The following SCFD2 variants were observed in gnomAD, a reference collection of about 807,000 sequenced individuals.
SCFD2 encodes sec1 family domain-containing protein 2.
SCFD2 carries 54 observed loss-of-function variants against 58.9 expected under a neutral mutation model. The observed-to-expected ratio is 0.92, with a 90% confidence interval of 0.74 to 1.15. SCFD2 has a LOEUF of 1.15. SCFD2 is among the 50% of genes most tolerant of loss of function. The pLI is 0.00. For missense variants in SCFD2, 805 were observed against 836.6 expected (o/e 0.96, Z 0.47); for synonymous variants, 321 against 335.9 (o/e 0.96, Z 0.49).
intron 4 of SCFD2, among the ~76,000 whole-genome samples, chr4:53,202,107 A>G (rs1458950220): frequency 2.0e-5 from 3 of 152,028 alleles, no homozygotes; most frequent in Admixed American, 6.6e-5. Flanking sequence ...GCCCATGCCT[A>G]TGTCCTGAAT....
intron 4 of SCFD2, among the ~76,000 whole-genome samples, chr4:53,190,609 C>T: frequency 6.6e-6 from 1 of 152,308 alleles, no homozygotes; most frequent in East Asian, 1.9e-4. Context: ...ATATGATTCA[C>T]TTATTTATTT....
chr4:53,212,857 T>C (rs1728666031), intron 4 of SCFD2, among the ~76,000 whole-genome samples: 1 of 152,048 alleles, frequency 6.6e-6, no homozygotes, highest in East Asian at 1.9e-4. Context: ...TACACGGTTT[T>C]TTTTTTTAAC....
chr4:53,052,187 CCT>C (rs1007230411), intron 5 of SCFD2, among the ~76,000 whole-genome samples: 8 of 152,130 alleles, frequency 5.3e-5, no homozygotes, highest in African/African-American at 1.7e-4. Context: ...CTCAACTCTG[CCT>C]CTCTCTCCCC....
intron 4 of SCFD2, among the ~76,000 whole-genome samples, chr4:53,250,339 C>A (rs1321763656): frequency 2.6e-5 from 4 of 152,102 alleles, no homozygotes; most frequent in East Asian, 3.8e-4. Flanking sequence ...TAGACTCCCA[C>A]ACAATAATAA....
chr4:53,141,667 CAGTT>C (rs1286752531), intron 5 of SCFD2, among the ~76,000 whole-genome samples: 1 of 112,190 alleles, frequency 8.9e-6, no homozygotes, highest in Non-Finnish European at 1.8e-5. Flanking sequence ...AACATTAAAT[CAGTT>C]AGAACTCTTT....
intron 5 of SCFD2, among the ~76,000 whole-genome samples, chr4:53,060,037 T>A (rs1202621995): frequency 6.6e-6 from 1 of 152,148 alleles, no homozygotes; most frequent in Non-Finnish European, 1.5e-5. Context: ...AACTTTCTCA[T>A]GTGCTTACTA....
At chr4:53,314,846 T>C (rs1218005964) in intron 2 of SCFD2, among the ~76,000 whole-genome samples, 6 of 152,210 alleles carry the variant, frequency 3.9e-5, no homozygotes, top group South Asian at 2.1e-4. Flanking sequence ...TATCTTTCCA[T>C]AATGAACTAA....
chr4:53,184,078 G>A (rs188697991), intron 4 of SCFD2, among the ~76,000 whole-genome samples: 27 of 152,280 alleles, frequency 1.8e-4, no homozygotes, highest in Non-Finnish European at 3.5e-4. Context: ...ATTTAAAAAT[G>A]TAATTTATGT....
Position 53,011,252 on chromosome 4 carries a change from CT to C in SCFD2, c.1562-90383del, listed in dbSNP as rs371135672. Among the ~76,000 whole-genome samples, 201 of 152,058 alleles carry C rather than the reference CT, an allele frequency of 1.3e-3. 1 individual carries two copies. The highest frequency in any genetic ancestry group is 4.1e-3 in the African/African-American group (171 of 41,450). On this transcript the variant is annotated intron_variant, in intron 5 of 8. Coordinates refer to ENST00000401642, the MANE Select transcript of SCFD2 (RefSeq NM_152540.4). ...CCTTATGAATTTCACTGCATCTTTGCTTTTTTTTCCCCCCCAAAGAAGTCAT... is the reference window on the plus strand; with the variant it reads ...CCTTATGAATTTCACTGCATCTTTGCTTTTTTTCCCCCCCAAAGAAGTCAT...
intron 5 of SCFD2, among the ~76,000 whole-genome samples, chr4:53,037,863 C>G (rs947233161): frequency 6.6e-6 from 1 of 151,920 alleles, no homozygotes; most frequent in African/African-American, 2.4e-5. Context: ...CAAAGCAAGG[C>G]CAAGGAAAAA....
intron 3 of SCFD2, among the ~76,000 whole-genome samples, chr4:53,281,963 T>C (rs1731522617): frequency 1.3e-5 from 2 of 152,356 alleles, no homozygotes; most frequent in South Asian, 4.1e-4. Context: ...TAAATTACGG[T>C]ATTACTAAAC....
intron 4 of SCFD2, among the ~76,000 whole-genome samples, chr4:53,236,351 T>C (rs1202143697): frequency 6.6e-6 from 1 of 151,874 alleles, no homozygotes; most frequent in African/African-American, 2.4e-5. Flanking sequence ...CTTGTGATTG[T>C]GTAAGTTAAT....
chr4:53,066,745 T>C (rs770100692), intron 5 of SCFD2, among the ~76,000 whole-genome samples: 1 of 152,094 alleles, frequency 6.6e-6, no homozygotes, highest in Non-Finnish European at 1.5e-5. Context: ...CCTTCAGATG[T>C]CAGCTGAAGT....
At position 53,081,144 on chromosome 4, in the gene SCFD2, T is replaced by C. The variant is rs759447584; in HGVS notation, c.1561+64189A>G. ...CACGTGAAGCAGAATTTCAGGCAATTATCTTAGTGTGTGTGTTTGCAACAT... is the reference window on the plus strand; with the variant it reads ...CACGTGAAGCAGAATTTCAGGCAATCATCTTAGTGTGTGTGTTTGCAACAT... On this transcript the variant is annotated intron_variant, in intron 5 of 8. Coordinates refer to ENST00000401642, the MANE Select transcript of SCFD2 (RefSeq NM_152540.4). 3.7e-4 allele frequency among the ~76,000 whole-genome samples: 57 copies of C among 152,280 alleles called. 1 individual carries two copies. The highest frequency in any genetic ancestry group is 4.4e-5 in the Non-Finnish European group (3 of 68,014).
intron 5 of SCFD2, among the ~76,000 whole-genome samples, chr4:53,040,765 G>A (rs1436514495): frequency 6.6e-6 from 1 of 152,064 alleles, no homozygotes; most frequent in Non-Finnish European, 1.5e-5. Context: ...CAGCATTGTC[G>A]ATAAGAACTG....
chr4:53,150,032 T>C (rs551549148), intron 4 of SCFD2, among the ~76,000 whole-genome samples: 2 of 152,348 alleles, frequency 1.3e-5, no homozygotes, highest in South Asian at 4.1e-4. Flanking sequence ...CTGGAGTTTA[T>C]AGTTAATGTA....
At chr4:53,191,694 C>T (rs748811865) in intron 4 of SCFD2, among the ~76,000 whole-genome samples, 8 of 152,098 alleles carry the variant, frequency 5.3e-5, no homozygotes, top group Non-Finnish European at 7.3e-5. Flanking sequence ...CGTGAGCCAC[C>T]GCGCCTGGCT....
At position 53,145,370 on chromosome 4, in the gene SCFD2, C is replaced by T. The variant is rs1189656131; in HGVS notation, c.1524G>A (p.Glu508=). 4.3e-6 allele frequency: 7 copies of T among 1,614,174 alleles called. No homozygotes were observed. In the South Asian group the frequency reaches 7.7e-5, roughly 18 times the overall value. The stretch of plus-strand genomic sequence containing the variant: ...GCAGCAAAGGTGACAATCCAGATTC[C>T]TCACAGAAGACCTGAGCCAATGCTT... ...VKKALAQVFC[E]ESGLSPLLQK... is the part of the protein sequence containing the mutation. Residue 508 remains glutamate (E), a synonymous_variant, in exon 5 of 9, where the codon GAG becomes GAA. Coordinates refer to ENST00000401642, the MANE Select transcript of SCFD2 (RefSeq NM_152540.4).
At chr4:53,326,018 T>G (rs372490934) in intron 2 of SCFD2, among the ~76,000 whole-genome samples, 18 of 152,250 alleles carry the variant, frequency 1.2e-4, no homozygotes, top group East Asian at 9.6e-4. Flanking sequence ...AGTCTTAGAC[T>G]GTCTATAATT....
Sources: gnomAD v4.1 joint callset for allele counts (sites outside exome capture counted in the v4.1 genomes callset) on GRCh38, gnomAD v4.1.1 for gene constraint, MANE v1.5 for transcripts, NCBI Gene and HGNC (gene_info 2026-07-23, HGNC 2026-07-21) for gene names.